The following ATP1A3 variants were observed in gnomAD, a reference collection of about 807,000 sequenced individuals.
ATP1A3 encodes ATPase Na+/K+ transporting subunit alpha 3.
In ATP1A3, 12 loss-of-function variants were observed where a neutral mutation model predicts 108.8. The observed-to-expected ratio is 0.11, with a 90% confidence interval of 0.07 to 0.18. The LOEUF is 0.18. Among genes scored for constraint, ATP1A3 ranks in the 10% least tolerant of loss-of-function variants. The probability of loss-of-function intolerance (pLI) is 1.00; values close to 1 mark genes in which losing one functional copy is unlikely to be tolerated. For missense variants in ATP1A3, 498 were observed against 1,387.7 expected (o/e 0.36, Z 10.19); for synonymous variants, 539 against 564.5 (o/e 0.95, Z 0.64).
In ATP1A3 at chr19:41,968,750, T is replaced by C. The variant is rs2075070487; in HGVS notation, c.2819+35A>G. 6.2e-7 allele frequency: 1 copy of C among 1,612,912 alleles called. No individual in the cohort carries two copies. The highest frequency in any genetic ancestry group is 8.5e-7 in the Non-Finnish European group (1 of 1,179,164). ...CAGACAGACACTCGGACAGGACAGA[T>C]GGCTGTCCAGTCACCATGTGCCCCC... On this transcript the variant is annotated intron_variant, in intron 20 of 22. Coordinates refer to ENST00000648268, the MANE Select transcript of ATP1A3 (RefSeq NM_152296.5). This position sits in a 1 kb window ranked among gnomAD's most constrained non-coding sequence, Gnocchi z 5.0.
rs368391611 is a variant in ATP1A3, at chr19:41,967,216, G to A, written c.3013+33C>T. The A allele has an allele frequency of 8.1e-6, 13 of 1,613,474 alleles. No individual in the cohort carries two copies. The highest frequency in any genetic ancestry group is 6.6e-5 in the South Asian group (6 of 91,052). The stretch of plus-strand genomic sequence containing the variant: ...GCTGCCTGAGACCCTGCTGCCCCCC[G>A]CCCCCCTCGGCTGCCTTGCCGAGCT... On this transcript the variant is annotated intron_variant, in intron 22 of 22. Transcript: ENST00000648268. The surrounding 1 kb of genome is among the most constrained non-coding windows in gnomAD (Gnocchi z 4.2).
At position 41,984,909 on chromosome 19, in the gene ATP1A3, T is replaced by A. The variant is rs376821676; in HGVS notation, c.993+9A>T. 23 of 1,605,768 alleles carry A rather than the reference T, an allele frequency of 1.4e-5. No individual in the cohort carries two copies. The African/African-American group carries it at 2.5e-4, about 18-fold the overall frequency. On this transcript the variant is annotated intron_variant, in intron 8 of 22. Coordinates refer to ENST00000648268, the MANE Select transcript of ATP1A3 (RefSeq NM_152296.5). ...CCCTCCCCACCCAGACCCAGGAGCCTGGCCTTACAGTGACAGTGGCCAGCA... is the reference window on the plus strand; with the variant it reads ...CCCTCCCCACCCAGACCCAGGAGCCAGGCCTTACAGTGACAGTGGCCAGCA...
chr19:41,977,969 C>T lies in ATP1A3; in HGVS notation c.1910G>A (p.Arg637Gln), dbSNP rs1555861967. The change falls in exon 14 of 23, where the codon CGG (arginine) becomes CAG (glutamine). Residue 637 changes from arginine (R) to glutamine (Q), a missense_variant. Physicochemically the swap from Arg to Gln is conservative, Grantham distance 43. Coordinates refer to ENST00000648268, the MANE Select transcript of ATP1A3 (RefSeq NM_152296.5). Reference protein sequence around the residue: ...GNETVEDIAARLNIPVSQVNP... With the variant: ...GNETVEDIAAQLNIPVSQVNP... ...AACCTGGCTGACGGGAATGTTGAGC[C>T]GGGCGGCGATGTCCTCCACAGTCTC... The T allele has an allele frequency of 4.3e-6, 7 of 1,614,120 alleles. No homozygotes were observed. In the African/African-American group the frequency reaches 6.7e-5, roughly 15 times the overall value.
rs1459364997 is a variant in ATP1A3 at position 41,978,505 on chromosome 19, A to T, written c.1630+101T>A. On this transcript the variant is annotated intron_variant, in intron 12 of 22. Transcript: ENST00000648268. This position sits in a 1 kb window ranked among gnomAD's most constrained non-coding sequence, Gnocchi z 8.3. ...CATTCATTCATTCATTCATTCATTTACAGTATATTCTGGGAGGCCCTGGGC... is the reference window on the plus strand; with the variant it reads ...CATTCATTCATTCATTCATTCATTTTCAGTATATTCTGGGAGGCCCTGGGC... 1.3e-6 allele frequency: 2 copies of T among 1,533,480 alleles called. No individual in the cohort carries two copies. The highest frequency in any genetic ancestry group is 2.7e-5 in the African/African-American group (2 of 73,250). The allele number at this position is 1,533,480 out of a possible 1,614,324, so 95.0% of individuals were successfully genotyped here. A position where few individuals can be genotyped will look rare whatever the true frequency, so the allele number is the denominator to read the frequency against.
chr19:41,980,640 G>A (rs1252783778), intron 11 of ATP1A3, among the ~76,000 whole-genome samples: 1 of 151,922 alleles, frequency 6.6e-6, no homozygotes, highest in Admixed American at 6.6e-5. Context: ...GGCCGGGCGC[G>A]GTGGCTCATG....
Position 41,967,475 on chromosome 19 carries a change from G to A in ATP1A3, c.2922-135C>T. The stretch of plus-strand genomic sequence containing the variant: ...ACAGGTGGAGGGTGCCCTGGGCGGG[G>A]CTGGGGCCTGGGGTCTTCGGAGTAA... On this transcript the variant is annotated intron_variant, in intron 21 of 22. Coordinates refer to ENST00000648268, the MANE Select transcript of ATP1A3 (RefSeq NM_152296.5). The surrounding 1 kb of genome is among the most constrained non-coding windows in gnomAD (Gnocchi z 4.2). The A allele has an allele frequency of 8.1e-7, 1 of 1,234,720 alleles. No individual in the cohort carries two copies. Among genetic ancestry groups the A allele is most frequent in the East Asian group, 2.5e-5 (1 of 39,548 alleles). The allele number at this position is 1,234,720 out of a possible 1,614,324, so 76.5% of individuals were successfully genotyped here. A position where few individuals can be genotyped will look rare whatever the true frequency, so the allele number is the denominator to read the frequency against.
At position 41,970,439 on chromosome 19, in the gene ATP1A3, C is replaced by A; in HGVS notation, c.2367G>T (p.Pro789=). Residue 789 remains proline, a synonymous_variant, in exon 17 of 23, where the codon CCG becomes CCT. Transcript: ENST00000648268. ...PFLLFIMANI[P]LPLGTITILC... ...GGATGGTGATGGTGCCCAGGGGCAG[C>A]GGGATGTTGGCCATGATGAACAGCA... 6.2e-7 allele frequency: 1 copy of A among 1,614,004 alleles called. No individual in the cohort carries two copies. The highest frequency in any genetic ancestry group is 1.3e-5 in the African/African-American group (1 of 74,978).
At chr19:41,987,149 T>A (rs1459788307) in intron 4 of ATP1A3, among the ~76,000 whole-genome samples, 1 of 152,184 alleles carries the variant, frequency 6.6e-6, no homozygotes, top group Admixed American at 6.5e-5. Context: ...TGACTTTACA[T>A]TCTACAAGGC....
intron 8 of ATP1A3, among the ~76,000 whole-genome samples, chr19:41,983,581 TAA>T (rs2075256112): frequency 6.9e-6 from 1 of 145,278 alleles, no homozygotes; most frequent in African/African-American, 2.5e-5. Flanking sequence ...AAAATAATAA[TAA>T]TAATTATTAT....
chr19:41,993,811 G>C (rs1286029491), intron 1 of ATP1A3: 5 of 653,818 alleles, frequency 7.6e-6, no homozygotes, highest in Non-Finnish European at 1.3e-5. Flanking sequence ...AACCGCACAA[G>C]GTCAGGCGGA....
chr19:41,987,838 T>C, intron 4 of ATP1A3, 98 bp downstream of exon 4: 1 of 1,415,664 alleles, frequency 7.1e-7, no homozygotes, highest in Non-Finnish European at 9.9e-7. Flanking sequence ...AGGGGGAGAG[T>C]GGGCTGTGAA....
In ATP1A3 at chr19:41,994,132, G is replaced by T; in HGVS notation, c.-56C>A. 1.3e-6 allele frequency: 2 copies of T among 1,517,024 alleles called. No homozygotes were observed. The highest frequency in any genetic ancestry group is 8.8e-7 in the Non-Finnish European group (1 of 1,130,928). 94.0% of individuals were successfully genotyped at this position (1,517,024 alleles called of 1,614,324 possible). A position where few individuals can be genotyped will look rare whatever the true frequency, so the allele number is the denominator to read the frequency against. On this transcript the variant is annotated 5_prime_UTR_variant, in exon 1 of 23. Coordinates refer to ENST00000648268, the MANE Select transcript of ATP1A3 (RefSeq NM_152296.5). ...GGGCGGGGCGGGGACCTCGGGGCGGGCTCAGGCTCAGGCTTGGGCTGGGAG... is the reference window on the plus strand; with the variant it reads ...GGGCGGGGCGGGGACCTCGGGGCGGTCTCAGGCTCAGGCTTGGGCTGGGAG...
At chr19:41,972,527 G>A (rs2075120269) in intron 16 of ATP1A3, among the ~76,000 whole-genome samples, 1 of 152,026 alleles carries the variant, frequency 6.6e-6, no homozygotes, top group Admixed American at 6.6e-5. Context: ...AGCACTTTGG[G>A]AGGCTGAGGC....
rs1568867147 is a variant in ATP1A3 at position 41,988,599 on chromosome 19, A to C, written c.7-37T>G. ...CGATACGATAGCTGTCAGAGCCACC[A>C]GACTGCGGGCGAGAAGGGGTTCCAG... On this transcript the variant is annotated intron_variant, in intron 1 of 22. Coordinates refer to ENST00000648268, the MANE Select transcript of ATP1A3 (RefSeq NM_152296.5). The surrounding 1 kb of genome is among the most constrained non-coding windows in gnomAD (Gnocchi z 5.3). 1.1e-5 allele frequency: 17 copies of C among 1,614,070 alleles called. No individual in the cohort carries two copies. The highest frequency in any genetic ancestry group is 1.4e-5 in the Non-Finnish European group (17 of 1,180,034).
chr19:41,970,691 G>A (rs1017442664), intron 16 of ATP1A3, 149 bp from the exon 17 acceptor site: 17 of 977,566 alleles, frequency 1.7e-5, no homozygotes, highest in Non-Finnish European at 2.5e-5. Context: ...GAGTGCAGTG[G>A]TGCGATCTCG....
rs2145970982 is a variant in ATP1A3 at position 41,981,225 on chromosome 19, C to G, written c.1437+277G>C. Among the ~76,000 whole-genome samples the G allele has an allele frequency of 3.9e-5, 6 of 152,038 alleles. 1 individual carries two copies. Among genetic ancestry groups the G allele is most frequent in the Admixed American group, 3.9e-4 (6 of 15,268 alleles). ...TCTTGCCCAGGCTCGTCTCGAACTC[C>G]TGGCCTCAAGTGATCCCCCCACCTC... On this transcript the variant is annotated intron_variant, in intron 11 of 22. Transcript: ENST00000648268. This position sits in a 1 kb window ranked among gnomAD's most constrained non-coding sequence, Gnocchi z 5.0.
Position 41,976,268 on chromosome 19 carries a change from G to A in ATP1A3, c.2094+148C>T, listed in dbSNP as rs1462772056. ...CAGCCCCCTCCTCCCTCAGACCCAG[G>A]AGTCCAGGCCCCCAGACCCTCCTCT... On this transcript the variant is annotated intron_variant, in intron 15 of 22. Coordinates refer to ENST00000648268, the MANE Select transcript of ATP1A3 (RefSeq NM_152296.5). The A allele has an allele frequency of 2.9e-5, 32 of 1,101,536 alleles. No homozygotes were observed. The South Asian group carries it at 3.9e-4, about 13-fold the overall frequency. 68.2% of individuals were successfully genotyped at this position (1,101,536 alleles called of 1,614,324 possible). A position where few individuals can be genotyped will look rare whatever the true frequency, so the allele number is the denominator to read the frequency against.
rs1231226728 is a variant in ATP1A3 at position 41,994,199 on chromosome 19, C to G, written c.-123G>C. The G allele has an allele frequency of 1.1e-6, 1 of 922,048 alleles. No homozygotes were observed. Among genetic ancestry groups the G allele is most frequent in the East Asian group, 3.3e-5 (1 of 30,636 alleles). The allele number at this position is 922,048 out of a possible 1,614,324, so 57.1% of individuals were successfully genotyped here. A position where few individuals can be genotyped will look rare whatever the true frequency, so the allele number is the denominator to read the frequency against. ...GCCTCGGTAGGTGCGCGCGTCCGTCCGTCCGTCCGTTGGTCCCACCGCACA... is the reference window on the plus strand; with the variant it reads ...GCCTCGGTAGGTGCGCGCGTCCGTCGGTCCGTCCGTTGGTCCCACCGCACA... On this transcript the variant is annotated 5_prime_UTR_variant, in exon 1 of 23. Transcript: ENST00000648268.
Position 41,977,916 on chromosome 19 carries a change from G to C in ATP1A3, c.1943+20C>G. On this transcript the variant is annotated intron_variant, in intron 14 of 22. Transcript: ENST00000648268. ...ACCCTAGAGGGATGTCCAGGGCCCT[G>C]GCTGGGATGGGTGGCTCACCGGGGG... The C allele has an allele frequency of 6.2e-7, 1 of 1,613,928 alleles. No homozygotes were observed.
Sources: allele counts gnomAD v4.1 joint callset (sites outside exome capture counted in the v4.1 genomes callset), GRCh38; gene constraint gnomAD v4.1.1; non-coding constraint Gnocchi (gnomAD v3.1); transcripts MANE v1.5; gene names NCBI Gene and HGNC (gene_info 2026-07-23, HGNC 2026-07-21).